TNFSF4: variants seen among roughly 807,000 people sequenced by gnomAD.
TNFSF4 encodes tumor necrosis factor ligand superfamily member 4.
In TNFSF4, 4 loss-of-function variants were observed where a neutral mutation model predicts 7.3. The observed-to-expected ratio is 0.55, with a 90% CI of 0.27 to 1.25. TNFSF4 has a LOEUF of 1.25. TNFSF4 is among the 50% of genes most tolerant of loss of function. TNFSF4 has a pLI of 0.12. For missense variants in TNFSF4, 181 were observed against 208.8 expected, an observed-to-expected ratio of 0.87 and a Z score of 0.82; for synonymous variants, 76 against 83.7, an observed-to-expected ratio of 0.91 and a Z score of 0.50.
At chr1:173,176,072 C>A in the TNFSF4 span, among the ~76,000 whole-genome samples, 1 of 152,148 alleles carries the variant, frequency 6.6e-6, no homozygotes, top group Non-Finnish European at 1.5e-5. Flanking sequence ...ATATCCTATA[C>A]AAAGTATCTT....
the TNFSF4 span, among the ~76,000 whole-genome samples, chr1:173,331,384 A>C: frequency 1.3e-5 from 2 of 152,214 alleles, no homozygotes; most frequent in Admixed American, 6.5e-5. Flanking sequence ...CACTGTTATC[A>C]CAATGACGCA....
At chr1:173,339,160 C>T in the TNFSF4 span, among the ~76,000 whole-genome samples, 1 of 152,148 alleles carries the variant, frequency 6.6e-6, no homozygotes, top group Admixed American at 6.6e-5. Context: ...AGGAGGATCA[C>T]TTGAGCCCAA....
At chr1:173,251,697 T>C in the TNFSF4 span, among the ~76,000 whole-genome samples, 1 of 152,244 alleles carries the variant, frequency 6.6e-6, no homozygotes, top group African/African-American at 2.4e-5. Flanking sequence ...CATAGAGGTA[T>C]TCTAAGGATT....
chr1:173,357,635 G>A, the TNFSF4 span, among the ~76,000 whole-genome samples: 5 of 152,072 alleles, frequency 3.3e-5, no homozygotes, highest in Non-Finnish European at 4.4e-5. Flanking sequence ...GGGTTCAAGC[G>A]ATTCTCCTGC....
At chr1:173,342,956 A>T in the TNFSF4 span, among the ~76,000 whole-genome samples, 1 of 152,372 alleles carries the variant, frequency 6.6e-6, no homozygotes, top group Admixed American at 6.5e-5. Flanking sequence ...TAGTAGAGTC[A>T]GCACTCAGCA....
the TNFSF4 span, among the ~76,000 whole-genome samples, chr1:173,347,708 G>T: frequency 6.6e-6 from 1 of 152,220 alleles, no homozygotes; most frequent in Admixed American, 6.5e-5. Flanking sequence ...CAAGTCATGT[G>T]GAGGGCACTA....
In TNFSF4 at chr1:173,185,690, GA is replaced by G. The variant is rs1351335046; in HGVS notation, c.*825del. ...TAAAATCCGTACTGACTTTTACCCT[GA>G]GATGTCCAGTTCCCTGCTATCCTGT... On this transcript the variant is annotated 3_prime_UTR_variant, in exon 3 of 3. Coordinates refer to ENST00000281834, the MANE Select transcript of TNFSF4 (RefSeq NM_003326.5). The G allele has an allele frequency of 6.6e-6, 1 of 152,144 alleles. No homozygotes were observed. The highest frequency in any genetic ancestry group is 1.5e-5 in the Non-Finnish European group (1 of 68,024). The allele number at this position is 152,144 out of a possible 1,614,324, so 9.4% of individuals were successfully genotyped here.
chr1:173,307,863 T>C, the TNFSF4 span, among the ~76,000 whole-genome samples: 3 of 152,046 alleles, frequency 2.0e-5, no homozygotes, highest in Non-Finnish European at 1.5e-5. Flanking sequence ...TAAGGTTGAA[T>C]TATTTCAAAA....
chr1:173,408,856 T>C, the TNFSF4 span, among the ~76,000 whole-genome samples: 1 of 152,040 alleles, frequency 6.6e-6, no homozygotes, highest in East Asian at 1.9e-4. Flanking sequence ...TCACAAAGAG[T>C]TGGGATTACA....
At chr1:173,394,390 C>T in the TNFSF4 span, among the ~76,000 whole-genome samples, 1 of 152,134 alleles carries the variant, frequency 6.6e-6, no homozygotes, top group South Asian at 2.1e-4. Flanking sequence ...TGGCCTCATG[C>T]TATTCTTACT....
chr1:173,265,984 T>G, the TNFSF4 span, among the ~76,000 whole-genome samples: 3 of 152,188 alleles, frequency 2.0e-5, no homozygotes, highest in African/African-American at 7.2e-5. Context: ...GATATATAAG[T>G]GCTTAACCTG....
In TNFSF4 at chr1:173,193,376, C is replaced by T. The variant is rs149147061; in HGVS notation, c.154-4807G>A. ...ATGAAATGCAAATGCTCCTAAGTAT[C>T]CATGCCAGAATTGAAGTATAGCCGT... On this transcript the variant is annotated intron_variant, in intron 1 of 2. Transcript: ENST00000281834. Among the ~76,000 whole-genome samples the T allele has an allele frequency of 3.3e-5, 5 of 152,242 alleles. No homozygotes were observed. In the East Asian group the frequency reaches 9.6e-4, roughly 29 times the overall value.
the TNFSF4 span, among the ~76,000 whole-genome samples, chr1:173,425,950 G>A: frequency 6.6e-6 from 1 of 152,236 alleles, no homozygotes; most frequent in Admixed American, 6.5e-5. Flanking sequence ...CTCCCCTGTT[G>A]AGGTTTGAGT....
At chr1:173,347,257 T>C in the TNFSF4 span, among the ~76,000 whole-genome samples, 1 of 152,248 alleles carries the variant, frequency 6.6e-6, no homozygotes, top group Non-Finnish European at 1.5e-5. Context: ...GCAGACATCT[T>C]ATTTAGCTTT....
At chr1:173,357,181 G>A in the TNFSF4 span, among the ~76,000 whole-genome samples, 12 of 152,292 alleles carry the variant, frequency 7.9e-5, no homozygotes, top group East Asian at 2.3e-3. Flanking sequence ...TGAGTTGTAG[G>A]AGCCTATGTT....
At chr1:173,270,750 G>C in the TNFSF4 span, among the ~76,000 whole-genome samples, 1 of 152,038 alleles carries the variant, frequency 6.6e-6, no homozygotes, top group Non-Finnish European at 1.5e-5. Flanking sequence ...AAAACTATTA[G>C]AAATACAACA....
At chr1:173,406,970 G>C in the TNFSF4 span, among the ~76,000 whole-genome samples, 7 of 152,180 alleles carry the variant, frequency 4.6e-5, no homozygotes, top group Admixed American at 3.3e-4. Context: ...GGGGAATCTA[G>C]TTGGGGGGAT....
chr1:173,213,378 T>C, the TNFSF4 span, among the ~76,000 whole-genome samples: 2 of 152,174 alleles, frequency 1.3e-5, no homozygotes, highest in South Asian at 4.1e-4. Context: ...ACAAAACAGC[T>C]ACTGAAATTT....
rs1282841634 is a variant in TNFSF4, at chr1:173,184,874, C to T, written c.*1642G>A. The T allele has an allele frequency of 6.6e-6, 1 of 152,212 alleles. No homozygotes were observed. The highest frequency in any genetic ancestry group is 1.5e-5 in the Non-Finnish European group (1 of 68,040). 9.4% of individuals were successfully genotyped at this position (152,212 alleles called of 1,614,324 possible). On this transcript the variant is annotated 3_prime_UTR_variant, in exon 3 of 3. Transcript: ENST00000281834. ...GCCATGATTATGATTCTGTGAGTGCCTTGGCAGCCACTCAGAACTTGATTC... is the reference window on the plus strand; with the variant it reads ...GCCATGATTATGATTCTGTGAGTGCTTTGGCAGCCACTCAGAACTTGATTC...
Sources: allele counts gnomAD v4.1 joint callset (sites outside exome capture counted in the v4.1 genomes callset), GRCh38; gene constraint gnomAD v4.1.1; transcripts MANE v1.5; gene names NCBI Gene and HGNC (gene_info 2026-07-23, HGNC 2026-07-21).